Variants in KATNAL2 observed in about 807,000 individuals in gnomAD.
KATNAL2 encodes katanin p60 ATPase-containing subunit A-like 2.
A neutral mutation model predicts 76.3 loss-of-function variants in KATNAL2; 52 were observed. The observed-to-expected ratio is 0.68, with a 90% CI of 0.55 to 0.86. The LOEUF is 0.86. KATNAL2 is among the 40% of genes least tolerant of loss of function. The probability of loss-of-function intolerance (pLI) is 0.00; values close to 1 mark genes in which losing one functional copy is unlikely to be tolerated. For synonymous variants in KATNAL2, 243 were observed against 244.2 expected (o/e 1.00, Z 0.05); for missense variants, 660 against 668.9 (o/e 0.99, Z 0.15).
At chr18:47,094,941 C>T (rs2063164724) in intron 15 of KATNAL2, among the ~76,000 whole-genome samples, 1 of 152,054 alleles carries the variant, frequency 6.6e-6, no homozygotes, top group South Asian at 2.1e-4. Flanking sequence ...GGCAATCAAA[C>T]CCCCTATTTT....
intron 3 of KATNAL2, among the ~76,000 whole-genome samples, chr18:47,043,230 A>AT: frequency 7.0e-6 from 1 of 143,186 alleles, no homozygotes; most frequent in African/African-American, 2.5e-5. Flanking sequence ...CCGTTTCAAA[A>AT]AAAAAAAAAA....
intron 15 of KATNAL2, among the ~76,000 whole-genome samples, chr18:47,080,545 C>T (rs1461570186): frequency 1.3e-5 from 2 of 152,160 alleles, no homozygotes; most frequent in Non-Finnish European, 2.9e-5. Context: ...TGTTCTTATA[C>T]CTATGAGTAG....
intron 3 of KATNAL2, chr18:47,035,115 T>A (rs1421565038): frequency 4.3e-6 from 7 of 1,611,362 alleles, no homozygotes; most frequent in Non-Finnish European, 5.9e-6. Context: ...TCACCGTCTT[T>A]CTGATTCCAG....
chr18:47,076,838 C>T (rs996012928), intron 14 of KATNAL2, among the ~76,000 whole-genome samples: 1 of 148,220 alleles, frequency 6.7e-6, no homozygotes, highest in Non-Finnish European at 1.5e-5. Context: ...TAGAGAGAGA[C>T]GGTCTTCTCT....
intron 3 of KATNAL2, among the ~76,000 whole-genome samples, chr18:47,031,873 C>T (rs189604734): frequency 3.3e-5 from 5 of 152,242 alleles, no homozygotes; most frequent in African/African-American, 1.2e-4. Context: ...CCTTTGTCTC[C>T]ATCCTGGCTT....
chr18:47,062,133 C>T (rs1010810681), intron 8 of KATNAL2, among the ~76,000 whole-genome samples: 2 of 151,956 alleles, frequency 1.3e-5, no homozygotes, highest in Non-Finnish European at 2.9e-5. Context: ...TAATCCCAGC[C>T]CTTTGGGAGG....
At chr18:47,058,411 G>C in intron 7 of KATNAL2, 59 bp downstream of exon 7, 2 of 932,140 alleles carry the variant, frequency 2.1e-6, no homozygotes, top group Non-Finnish European at 3.4e-6. Context: ...ATAGCCCTAT[G>C]AAAAAGGTCA....
intron 3 of KATNAL2, among the ~76,000 whole-genome samples, chr18:47,031,263 A>C (rs1182562153): frequency 1.3e-5 from 2 of 151,902 alleles, no homozygotes; most frequent in Non-Finnish European, 2.9e-5. Flanking sequence ...TATTGGTGCC[A>C]CGGTTTGGGC....
intron 13 of KATNAL2, among the ~76,000 whole-genome samples, chr18:47,074,593 G>A (rs1426333873): frequency 6.6e-6 from 1 of 152,128 alleles, no homozygotes; most frequent in Non-Finnish European, 1.5e-5. Context: ...TCCCTTTAGA[G>A]CTCTTTATTT....
chr18:46,948,919 T>TGTGTGTGTGTGTG (rs2059466582), intron 3 of KATNAL2, among the ~76,000 whole-genome samples: 3 of 151,426 alleles, frequency 2.0e-5, no homozygotes, highest in African/African-American at 7.3e-5. Context: ...TGTGTGTGTG[T>TGTGTGTGTGTGTG]TTGAGACAGG....
At chr18:46,960,547 A>T (rs2146791360) in intron 3 of KATNAL2, among the ~76,000 whole-genome samples, 1 of 152,326 alleles carries the variant, frequency 6.6e-6, no homozygotes, top group Non-Finnish European at 1.5e-5. Flanking sequence ...GCTATGCAAA[A>T]AAAGAGCTCC....
intron 15 of KATNAL2, among the ~76,000 whole-genome samples, chr18:47,097,810 T>C (rs1348683992): frequency 2.0e-5 from 3 of 152,212 alleles, no homozygotes; most frequent in Non-Finnish European, 4.4e-5. Flanking sequence ...GGGTTTGCTG[T>C]ACAGATTATT....
chr18:46,921,812 C>T (rs1309518994), intron 1 of KATNAL2, among the ~76,000 whole-genome samples: 1 of 152,008 alleles, frequency 6.6e-6, no homozygotes, highest in African/African-American at 2.4e-5. Context: ...GAGTTTAGTT[C>T]CAAGCACCTG....
chr18:46,946,180 GA>G lies in KATNAL2; in HGVS notation c.-384del. 1.0e-6 allele frequency: 1 copy of G among 1,004,168 alleles called. No homozygotes were observed. Among genetic ancestry groups the G allele is most frequent in the South Asian group, 3.9e-5 (1 of 25,652 alleles). 62.2% of individuals were successfully genotyped at this position (1,004,168 alleles called of 1,614,324 possible). Reference sequence around the variant, plus strand: ...AATAGGATTCACAGCAAGAGAGACAGAAGGGAAAGACATTGAAGAAACAGAC... The same window carrying G: ...AATAGGATTCACAGCAAGAGAGACAGAGGGAAAGACATTGAAGAAACAGAC... On this transcript the variant is annotated 5_prime_UTR_variant, in exon 2 of 18. It removes the in-frame stop codon of an upstream open reading frame in the 5' UTR. Transcript: ENST00000683218.
At chr18:47,068,986 G>C (rs1003011312) in intron 11 of KATNAL2, among the ~76,000 whole-genome samples, 2 of 152,126 alleles carry the variant, frequency 1.3e-5, no homozygotes, top group African/African-American at 4.8e-5. Context: ...CAAAAAAATT[G>C]GTCCTTTAAA....
intron 1 of KATNAL2, among the ~76,000 whole-genome samples, chr18:46,926,483 C>G (rs2058733151): frequency 6.6e-6 from 1 of 152,152 alleles, no homozygotes; most frequent in African/African-American, 2.4e-5. Context: ...TTTACATTTG[C>G]TGAGAAGTGC....
chr18:47,079,361 C>T (rs2062398870), intron 15 of KATNAL2, among the ~76,000 whole-genome samples: 1 of 151,986 alleles, frequency 6.6e-6, no homozygotes, highest in Non-Finnish European at 1.5e-5. Flanking sequence ...TGGTCATTCC[C>T]TTAAGTCTCT....
Position 47,052,305 on chromosome 18 carries a change from A to T in KATNAL2, c.123-575A>T, listed in dbSNP as rs1264622559. On this transcript the variant is annotated intron_variant, in intron 4 of 17. Transcript: ENST00000683218. ...TCTGAAGTGCAATGTGTGACTGATT[A>T]AAAAATTACCAGAAACAAATAATAC... Among the ~76,000 whole-genome samples the T allele has an allele frequency of 2.0e-5, 3 of 152,356 alleles. No individual in the cohort carries two copies. In the East Asian group the frequency reaches 5.8e-4, roughly 29 times the overall value.
intron 3 of KATNAL2, among the ~76,000 whole-genome samples, chr18:47,041,915 G>T (rs1343218501): frequency 6.6e-6 from 1 of 152,180 alleles, no homozygotes; most frequent in Non-Finnish European, 1.5e-5. Flanking sequence ...AGTGTGCAGT[G>T]GTACTTCACT....
Sources: gnomAD v4.1 joint callset for allele counts (sites outside exome capture counted in the v4.1 genomes callset) on GRCh38, gnomAD v4.1.1 for gene constraint, MANE v1.5 for transcripts, NCBI Gene and HGNC (gene_info 2026-07-23, HGNC 2026-07-21) for gene names.